GLI3: variants seen among roughly 807,000 people sequenced by gnomAD.
GLI3 encodes the protein GLI family zinc finger 3.
Under a neutral mutation model 100.8 loss-of-function variants are expected in GLI3, and 20 were observed. The observed-to-expected ratio is 0.20, with a 90% CI of 0.14 to 0.29. The LOEUF (loss-of-function observed/expected upper bound fraction) is 0.29, where lower values mean the gene tolerates loss of function less well. Ranked by LOEUF, GLI3 falls within the 10% of genes least tolerant of loss-of-function variation. The pLI, the probability that GLI3 is intolerant of heterozygous loss-of-function variation, is 1.00. For missense variants in GLI3, 2,040 were observed against 2,128.5 expected (o/e 0.96, Z 0.82); for synonymous variants, 938 against 860.5 (o/e 1.09, Z -1.58).
intron 4 of GLI3, among the ~76,000 whole-genome samples, chr7:42,056,275 T>C (rs920692947): frequency 9.2e-5 from 14 of 152,198 alleles, no homozygotes; most frequent in South Asian, 2.1e-4. Flanking sequence ...TCAAGGAGCA[T>C]GATACATGGT....
chr7:42,047,631 A>C (rs1784270614), intron 5 of GLI3, among the ~76,000 whole-genome samples: 1 of 152,230 alleles, frequency 6.6e-6, no homozygotes, highest in Admixed American at 6.5e-5. Context: ...CCAGTTTATA[A>C]GTTGACACCA....
At chr7:41,981,196 G>C (rs1481239109) in intron 10 of GLI3, among the ~76,000 whole-genome samples, 3 of 152,220 alleles carry the variant, frequency 2.0e-5, no homozygotes, top group Non-Finnish European at 4.4e-5. Context: ...CATGGCAGGA[G>C]AGAACTGGCC....
chr7:41,978,330 C>T (rs891398891), intron 11 of GLI3, among the ~76,000 whole-genome samples: 3 of 152,226 alleles, frequency 2.0e-5, no homozygotes, highest in South Asian at 2.1e-4. Flanking sequence ...TTCCAAGCCC[C>T]GTGGTACCAT....
chr7:41,967,877 T>G lies in GLI3; in HGVS notation c.2150A>C (p.Gln717Pro). Residue 717 changes from glutamine (Q) to proline (P), a missense_variant, in exon 14 of 15, where the codon CAG becomes CCG. This residue lies in a region of GLI3 where 327 missense variants were observed against 338.7 expected (regional missense o/e 0.97). Transcript: ENST00000395925. Reference protein sequence around the residue: ...PGGQSSCSSQQSPISNYSNSG... With the variant: ...PGGQSSCSSQPSPISNYSNSG... ...GTTGGAATAGTTGCTGATGGGGGAC[T>G]GTTGGCTGCTGCATGAAGACTGACC... 1 of 1,614,168 alleles carries G rather than the reference T, an allele frequency of 6.2e-7. No homozygotes were observed. Among genetic ancestry groups the G allele is most frequent in the South Asian group, 1.1e-5 (1 of 91,080 alleles).
At chr7:42,035,307 G>T (rs1204362327) in intron 7 of GLI3, among the ~76,000 whole-genome samples, 1 of 152,166 alleles carries the variant, frequency 6.6e-6, no homozygotes, top group African/African-American at 2.4e-5. Flanking sequence ...CTTCCACCCT[G>T]CCTCAGGCAG....
chr7:42,206,128 C>T (rs761960326), intron 2 of GLI3, among the ~76,000 whole-genome samples: 3 of 151,890 alleles, frequency 2.0e-5, no homozygotes, highest in Non-Finnish European at 4.4e-5. Flanking sequence ...ATTAGCCAGG[C>T]GTGGTGGTGC....
intron 3 of GLI3, among the ~76,000 whole-genome samples, chr7:42,103,176 C>T (rs1162864980): frequency 6.6e-6 from 1 of 152,150 alleles, no homozygotes; most frequent in Non-Finnish European, 1.5e-5. Context: ...AGCTGAGTGT[C>T]CTCATGGCAT....
intron 1 of GLI3, among the ~76,000 whole-genome samples, chr7:42,246,298 C>T (rs1299781561): frequency 1.3e-5 from 2 of 152,108 alleles, no homozygotes; most frequent in East Asian, 3.8e-4. Context: ...TGCTGCCAGG[C>T]CCAGATATCT....
chr7:42,139,750 A>C (rs1041339959), intron 3 of GLI3, among the ~76,000 whole-genome samples: 1 of 152,240 alleles, frequency 6.6e-6, no homozygotes, highest in African/African-American at 2.4e-5. Context: ...ATGAGACAGC[A>C]GCCCAGCCAG....
intron 4 of GLI3, among the ~76,000 whole-genome samples, chr7:42,065,938 A>G (rs1259374004): frequency 6.6e-6 from 1 of 152,180 alleles, no homozygotes; most frequent in African/African-American, 2.4e-5. Flanking sequence ...TAATGAGGTT[A>G]AAAAATGTCT....
At chr7:42,082,524 A>G (rs1266480351) in intron 3 of GLI3, among the ~76,000 whole-genome samples, 3 of 152,120 alleles carry the variant, frequency 2.0e-5, no homozygotes, top group African/African-American at 7.2e-5. Context: ...AGCGGAATCT[A>G]AGAAGTGCTA....
intron 2 of GLI3, among the ~76,000 whole-genome samples, chr7:42,200,948 T>A (rs1015076960): frequency 1.3e-5 from 2 of 152,130 alleles, no homozygotes; most frequent in African/African-American, 4.8e-5. Context: ...AACAATAAAA[T>A]TATGTGCAAT....
chr7:42,155,850 A>G (rs1562762827), intron 2 of GLI3, among the ~76,000 whole-genome samples: 1 of 152,182 alleles, frequency 6.6e-6, no homozygotes, highest in African/African-American at 2.4e-5. Flanking sequence ...GATAATGACA[A>G]TGATGAGCAG....
At position 41,965,710 on chromosome 7, in the gene GLI3, T is replaced by G. The variant is rs1787150310; in HGVS notation, c.3363A>C (p.Lys1121Asn). 6.2e-7 allele frequency: 1 copy of G among 1,613,550 alleles called. No individual in the cohort carries two copies. The highest frequency in any genetic ancestry group is 8.5e-7 in the Non-Finnish European group (1 of 1,179,912). ...HFPSALPDDS[K>N]VPHGPGDFDA... ...CAAAGTCACCGGGCCCGTGGGGCAC[T>G]TTGCTGTCGTCCGGGAGGGCGCTGG... The change falls in exon 15 of 15, where the codon AAA (lysine) becomes AAC (asparagine). Residue 1121 changes from lysine to asparagine, a missense_variant. Lys to Asn is a moderately conservative substitution (Grantham distance 94). Around this residue, in one of 5 missense-constraint regions of GLI3, gnomAD observed 1,041 missense variants for 924.0 expected, o/e 1.13. Transcript: ENST00000395925.
intron 6 of GLI3, among the ~76,000 whole-genome samples, chr7:42,044,390 T>A (rs1276041290): frequency 1.3e-5 from 2 of 152,134 alleles, no homozygotes; most frequent in Non-Finnish European, 2.9e-5. Context: ...CCTTAAAGGA[T>A]CTGAAGAGAT....
At chr7:41,999,844 A>G (rs1440701972) in intron 10 of GLI3, among the ~76,000 whole-genome samples, 1 of 149,644 alleles carries the variant, frequency 6.7e-6, no homozygotes, top group African/African-American at 2.6e-5. Context: ...TTTGAGCCCC[A>G]AGGCTCTACA....
chr7:41,965,197 C>T lies in GLI3; in HGVS notation c.3876G>A (p.Gln1292=), dbSNP rs1192742184. ...KSTPMQGSGG[Q]LNFGLPVAPN... is the part of the protein sequence containing the mutation. Reference sequence around the variant, plus strand: ...GCGCTACCGGCAGGCCGAAATTCAGCTGGCCCCCGCTCCCTTGCATGGGGG... The same window carrying T: ...GCGCTACCGGCAGGCCGAAATTCAGTTGGCCCCCGCTCCCTTGCATGGGGG... Residue 1292 remains glutamine, a synonymous_variant, in exon 15 of 15, where the codon CAG becomes CAA. Coordinates refer to ENST00000395925, the MANE Select transcript of GLI3 (RefSeq NM_000168.6). 4 of 1,613,782 alleles carry T rather than the reference C, an allele frequency of 2.5e-6. No homozygotes were observed. Among genetic ancestry groups the T allele is most frequent in the Admixed American group, 1.7e-5 (1 of 60,016 alleles).
intron 13 of GLI3, 131 bp from the exon 14 acceptor site, chr7:41,968,054 T>C (rs1488736293): frequency 2.4e-6 from 2 of 834,274 alleles, no homozygotes; most frequent in Non-Finnish European, 4.1e-6. Flanking sequence ...AAAACTATGT[T>C]CTGGTGAATG....
chr7:42,042,609 A>G (rs940337802), intron 6 of GLI3, among the ~76,000 whole-genome samples: 3 of 152,200 alleles, frequency 2.0e-5, no homozygotes, highest in Non-Finnish European at 2.9e-5. Context: ...CTAATGTTTT[A>G]GATCACTAAT....
Sources: allele counts gnomAD v4.1 joint callset (sites outside exome capture counted in the v4.1 genomes callset), GRCh38; gene constraint gnomAD v4.1.1; regional missense constraint gnomAD v4.1.1; transcripts MANE v1.5; gene names NCBI Gene and HGNC (gene_info 2026-07-23, HGNC 2026-07-21).